The following GLIS3 variants were observed in gnomAD, a reference collection of about 807,000 sequenced individuals.
GLIS3 encodes zinc finger protein GLIS3.
GLIS3 carries 53 observed loss-of-function variants against 78.6 expected under a neutral mutation model. That is an observed-to-expected ratio of 0.67 (90% confidence interval 0.54 to 0.85). The LOEUF (loss-of-function observed/expected upper bound fraction) is 0.85, where lower values mean the gene tolerates loss of function less well. Among genes scored for constraint, GLIS3 ranks in the 40% least tolerant of loss-of-function variants. The probability of loss-of-function intolerance (pLI) is 0.00; values close to 1 mark genes in which losing one functional copy is unlikely to be tolerated. For missense variants in GLIS3, 1,703 were observed against 1,231.1 expected (o/e 1.38, Z -5.74); for synonymous variants, 684 against 509.9 (o/e 1.34, Z -4.60).
intron 2 of GLIS3, among the ~76,000 whole-genome samples, chr9:4,202,264 C>T (rs1461266615): frequency 3.4e-5 from 5 of 148,444 alleles, no homozygotes; most frequent in Non-Finnish European, 7.4e-5. Flanking sequence ...CATTCTCCTG[C>T]CTCAGCCTCC....
chr9:4,158,242 T>C (rs539808991), intron 2 of GLIS3, among the ~76,000 whole-genome samples: 63 of 152,350 alleles, frequency 4.1e-4, no homozygotes, highest in African/African-American at 1.5e-3. Context: ...TTTCTCTTTA[T>C]TGGAAAGACG....
chr9:4,428,746 G>T, the GLIS3 span, among the ~76,000 whole-genome samples: 1 of 152,080 alleles, frequency 6.6e-6, no homozygotes, highest in Non-Finnish European at 1.5e-5. Flanking sequence ...GCCAAAGCAA[G>T]ATATTTCTAT....
intron 2 of GLIS3, among the ~76,000 whole-genome samples, chr9:4,217,140 T>G (rs1820925154): frequency 6.6e-6 from 1 of 152,044 alleles, no homozygotes; most frequent in African/African-American, 2.4e-5. Context: ...AAACATGAAG[T>G]AGAGAACCAA....
chr9:4,473,106 C>G, the GLIS3 span, among the ~76,000 whole-genome samples: 1 of 152,096 alleles, frequency 6.6e-6, no homozygotes, highest in Non-Finnish European at 1.5e-5. Context: ...TTCTCTGCAA[C>G]CTTGCCAGTT....
intron 10 of GLIS3, among the ~76,000 whole-genome samples, chr9:3,828,829 G>T (rs949681619): frequency 6.6e-6 from 1 of 152,170 alleles, no homozygotes; most frequent in East Asian, 1.9e-4. Context: ...CAAAGCTCAG[G>T]TGAAGAGCAT....
chr9:4,404,277 G>C, the GLIS3 span, among the ~76,000 whole-genome samples: 3 of 152,146 alleles, frequency 2.0e-5, no homozygotes, highest in Non-Finnish European at 2.9e-5. Flanking sequence ...AATAACTGGA[G>C]ACTTCAACAC....
intron 2 of GLIS3, among the ~76,000 whole-genome samples, chr9:4,225,538 G>C (rs1329462546): frequency 6.6e-6 from 1 of 152,170 alleles, no homozygotes; most frequent in Non-Finnish European, 1.5e-5. Context: ...TAGTCACACA[G>C]AGTAAAACTG....
At chr9:3,911,220 G>T (rs541835587) in intron 6 of GLIS3, among the ~76,000 whole-genome samples, 2 of 152,018 alleles carry the variant, frequency 1.3e-5, no homozygotes, top group Non-Finnish European at 2.9e-5. Context: ...TAGTACATAA[G>T]ACAATTGAAG....
chr9:4,205,631 G>A (rs770520656), intron 2 of GLIS3, among the ~76,000 whole-genome samples: 12 of 152,194 alleles, frequency 7.9e-5, no homozygotes, highest in Non-Finnish European at 1.8e-4. Flanking sequence ...CATGGATGTG[G>A]GGAGAATCCA....
At chr9:4,452,077 G>T in the GLIS3 span, among the ~76,000 whole-genome samples, 2 of 152,054 alleles carry the variant, frequency 1.3e-5, no homozygotes, top group Non-Finnish European at 2.9e-5. Flanking sequence ...AAAACGACAT[G>T]ATTATCTCAA....
intron 2 of GLIS3, among the ~76,000 whole-genome samples, chr9:4,192,424 A>G (rs528042179): frequency 3.9e-5 from 6 of 152,354 alleles, no homozygotes; most frequent in Middle Eastern, 6.8e-3. Flanking sequence ...AGTTTATAAC[A>G]TCTTTATATG....
At chr9:4,176,403 T>A (rs539689748) in intron 2 of GLIS3, among the ~76,000 whole-genome samples, 123 of 152,334 alleles carry the variant, frequency 8.1e-4, no homozygotes, top group Middle Eastern at 3.4e-3. Flanking sequence ...TTATAGGCAA[T>A]TTTGCATGAA....
chr9:4,356,217 C>T, the GLIS3 span, among the ~76,000 whole-genome samples: 4 of 152,134 alleles, frequency 2.6e-5, no homozygotes, highest in South Asian at 2.1e-4. Flanking sequence ...TCATTTCAGT[C>T]GCTATTGTAT....
At chr9:4,371,636 C>A in the GLIS3 span, among the ~76,000 whole-genome samples, 1 of 152,134 alleles carries the variant, frequency 6.6e-6, no homozygotes, top group Non-Finnish European at 1.5e-5. Context: ...AGGACTACCA[C>A]TACAACCTTT....
chr9:3,917,309 G>C (rs1269373736), intron 6 of GLIS3, among the ~76,000 whole-genome samples: 2 of 152,188 alleles, frequency 1.3e-5, no homozygotes, highest in Non-Finnish European at 2.9e-5. Context: ...TGCTGTCAGA[G>C]CTGAAGATGT....
At chr9:4,220,892 G>A (rs1413943810) in intron 2 of GLIS3, among the ~76,000 whole-genome samples, 1 of 152,164 alleles carries the variant, frequency 6.6e-6, no homozygotes, top group Non-Finnish European at 1.5e-5. Flanking sequence ...GGCTGAGGTG[G>A]GAGGATCGCT....
intron 2 of GLIS3, among the ~76,000 whole-genome samples, chr9:4,228,331 C>T (rs898235319): frequency 2.0e-5 from 3 of 151,798 alleles, no homozygotes; most frequent in African/African-American, 7.3e-5. Flanking sequence ...GGGGAGGAGT[C>T]GGGGCTGAGC....
At chr9:4,176,310 A>G (rs952862154) in intron 2 of GLIS3, among the ~76,000 whole-genome samples, 25 of 152,226 alleles carry the variant, frequency 1.6e-4, no homozygotes, top group African/African-American at 6.0e-4. Flanking sequence ...GTAACTGCCC[A>G]GAGATAATCA....
chr9:3,853,338 G>A (rs1004476352), intron 9 of GLIS3, among the ~76,000 whole-genome samples: 7 of 151,496 alleles, frequency 4.6e-5, no homozygotes, highest in African/African-American at 1.7e-4. Flanking sequence ...GGAAAATAAT[G>A]GGTAGATCCC....
Sources: allele counts gnomAD v4.1 joint callset (sites outside exome capture counted in the v4.1 genomes callset), GRCh38; gene constraint gnomAD v4.1.1; transcripts MANE v1.5; gene names NCBI Gene and HGNC (gene_info 2026-07-23, HGNC 2026-07-21).